TUB: variants seen among roughly 807,000 people sequenced by gnomAD.
TUB encodes the protein tubby protein homolog.
A neutral mutation model predicts 59.7 loss-of-function variants in TUB; 33 were observed. The ratio of observed to expected loss-of-function variants is 0.55; its 90% CI spans 0.42 to 0.74. The LOEUF (loss-of-function observed/expected upper bound fraction) is 0.74, where lower values mean the gene tolerates loss of function less well. Among genes scored for constraint, TUB ranks in the 30% least tolerant of loss-of-function variants. The pLI is 0.00. For synonymous variants in TUB, 293 were observed against 256.4 expected (o/e 1.14, Z -1.36); for missense variants, 659 against 672.0 (o/e 0.98, Z 0.21).
chr11:8,080,974 C>G (rs1452953067), upstream of TUB, among the ~76,000 whole-genome samples: 1 of 152,222 alleles, frequency 6.6e-6, no homozygotes, highest in Non-Finnish European at 1.5e-5. Flanking sequence ...GAATGATCCC[C>G]GTTTCACAGA....
chr11:8,036,680 A>G (rs945952936), upstream of TUB, among the ~76,000 whole-genome samples: 2 of 152,232 alleles, frequency 1.3e-5, no homozygotes, highest in Non-Finnish European at 2.9e-5. Flanking sequence ...ATCACCATCC[A>G]GCAGCTTAGC....
intron 1 of TUB, among the ~76,000 whole-genome samples, chr11:8,019,606 C>T (rs2133691306): frequency 6.6e-6 from 1 of 152,216 alleles, no homozygotes; most frequent in East Asian, 1.9e-4. Flanking sequence ...CTGGGACTAG[C>T]GAGCTGGCAC....
rs1458105628 is a variant in TUB at position 8,066,245 on chromosome 11, G to T, written c.204-23365G>T. Among the ~76,000 whole-genome samples the T allele has an allele frequency of 3.3e-5, 5 of 152,180 alleles. No individual in the cohort carries two copies. In the East Asian group the frequency reaches 9.6e-4, roughly 29 times the overall value. On this transcript the variant is annotated intron_variant, in intron 2 of 12. Coordinates refer to the TUB transcript ENST00000305253. ...GGTCTGCTCAGACGCTGGACATGAG[G>T]TTCCACTTGGCACACAGCATGACAG...
chr11:8,098,949 G>C, intron 9 of TUB, 74 bp downstream of exon 9: 1 of 1,103,230 alleles, frequency 9.1e-7, no homozygotes, highest in East Asian at 2.4e-5. Context: ...TGATCTAGGG[G>C]CTATCCCATC....
chr11:8,080,088 A>G (rs1257016367), upstream of TUB, among the ~76,000 whole-genome samples: 1 of 152,186 alleles, frequency 6.6e-6, no homozygotes, highest in African/African-American at 2.4e-5. Context: ...GCCCCAGGGC[A>G]GCAGGATGAG....
rs1226274419 is a variant in TUB, at chr11:8,101,635, C to T, written c.*16C>T. 3 of 1,613,528 alleles carry T rather than the reference C, an allele frequency of 1.9e-6. No homozygotes were observed. Among genetic ancestry groups the T allele is most frequent in the East Asian group, 2.2e-5 (1 of 44,872 alleles). ...GTGCGAGTAGAGGCCTCTTCGTGCC[C>T]TTTGGGGTTGCCCAGCCTGGAGCGG... On this transcript the variant is annotated 3_prime_UTR_variant, in exon 12 of 12. Coordinates refer to ENST00000299506, the MANE Select transcript of TUB (RefSeq NM_177972.3).
intron 2 of TUB, among the ~76,000 whole-genome samples, chr11:8,058,040 A>C (rs983110813): frequency 2.0e-5 from 3 of 151,794 alleles, no homozygotes; most frequent in African/African-American, 7.3e-5. Context: ...TGAGACCCCC[A>C]TCTCTACAAA....
Position 8,103,781 on chromosome 11 carries a change from T to G in TUB, c.*2162T>G, listed in dbSNP as rs1036446182. Reference sequence around the variant, plus strand: ...GATCGTCTCTAATGTTAGGTCAAGCTATTTCTCTGGATCTATGATTTTAAG... The same window carrying G: ...GATCGTCTCTAATGTTAGGTCAAGCGATTTCTCTGGATCTATGATTTTAAG... On this transcript the variant is annotated 3_prime_UTR_variant, in exon 12 of 12. Coordinates refer to ENST00000299506, the MANE Select transcript of TUB (RefSeq NM_177972.3). The G allele has an allele frequency of 3.3e-5, 5 of 152,680 alleles. No homozygotes were observed. Among genetic ancestry groups the G allele is most frequent in the African/African-American group, 1.2e-4 (5 of 41,462 alleles). The allele number at this position is 152,680 out of a possible 1,614,324, so 9.5% of individuals were successfully genotyped here.
chr11:8,099,352 T>C (rs1425234924), intron 9 of TUB, among the ~76,000 whole-genome samples: 1 of 152,082 alleles, frequency 6.6e-6, no homozygotes, highest in African/African-American at 2.4e-5. Context: ...GGAATATAAA[T>C]ATAGGGGATT....
chr11:8,090,528 C>T (rs1214311610), intron 3 of TUB, among the ~76,000 whole-genome samples: 1 of 152,218 alleles, frequency 6.6e-6, no homozygotes, highest in Non-Finnish European at 1.5e-5. Context: ...TCACTGAGTG[C>T]AGGAGGTAGC....
Position 8,070,431 on chromosome 11 carries a change from T to A in TUB, c.204-19179T>A, listed in dbSNP as rs78534145. 0.013 allele frequency among the ~76,000 whole-genome samples: 1,962 copies of A among 152,162 alleles called. 82 individuals carry two copies. The East Asian group carries it at 0.17, about 13-fold the overall frequency. ...TTCATTCTCATTTTGCAAATGATAATTTTTTTATAGAAATGTTCTTGGCTA... is the reference window on the plus strand; with the variant it reads ...TTCATTCTCATTTTGCAAATGATAAATTTTTTATAGAAATGTTCTTGGCTA... On this transcript the variant is annotated intron_variant, in intron 2 of 12. Transcript: ENST00000305253.
At chr11:8,100,797 G>A in intron 10 of TUB, 29 bp from the exon 11 acceptor site, 4 of 1,611,638 alleles carry the variant, frequency 2.5e-6, no homozygotes, top group African/African-American at 1.3e-5. Context: ...AAAGGCCTGG[G>A]CCTGGCTCAG....
At chr11:8,095,706 T>C in intron 5 of TUB, 41 bp downstream of exon 5, 1 of 1,546,194 alleles carries the variant, frequency 6.5e-7, no homozygotes, top group Non-Finnish European at 8.7e-7. Context: ...CAAAACTCAG[T>C]CCCAGGTTCT....
chr11:8,048,412 T>G (rs1336395942), intron 2 of TUB, among the ~76,000 whole-genome samples: 2 of 152,236 alleles, frequency 1.3e-5, no homozygotes, highest in African/African-American at 4.8e-5. Context: ...TTTTTAGATT[T>G]TTTTAATGAG....
chr11:8,084,113 G>A (rs1466249360), intron 1 of TUB, among the ~76,000 whole-genome samples: 6 of 152,190 alleles, frequency 3.9e-5, no homozygotes, highest in African/African-American at 1.4e-4. Context: ...GCATGTCAGA[G>A]CTGGAATGTG....
At chr11:8,074,476 A>G (rs1293504270) in intron 2 of TUB, among the ~76,000 whole-genome samples, 1 of 152,070 alleles carries the variant, frequency 6.6e-6, no homozygotes, top group African/African-American at 2.4e-5. Flanking sequence ...GATGGCTCAC[A>G]CCTGTAATCC....
At chr11:8,088,996 T>C (rs922264487) in intron 1 of TUB, among the ~76,000 whole-genome samples, 1 of 152,238 alleles carries the variant, frequency 6.6e-6, no homozygotes, top group African/African-American at 2.4e-5. Context: ...GCTGAGGGAC[T>C]GGTTGGTCTC....
At chr11:8,075,187 A>G (rs1252797934) in intron 2 of TUB, among the ~76,000 whole-genome samples, 1 of 152,232 alleles carries the variant, frequency 6.6e-6, no homozygotes, top group African/African-American at 2.4e-5. Context: ...TATTAGCAAT[A>G]AAGTTTCCAT....
At chr11:8,031,223 T>TG (rs1341250553) in intron 1 of TUB, among the ~76,000 whole-genome samples, 1 of 152,016 alleles carries the variant, frequency 6.6e-6, no homozygotes, top group Non-Finnish European at 1.5e-5. Flanking sequence ...GGGGTGGGAC[T>TG]GGGGGGATCC....
Sources: gnomAD v4.1 joint callset for allele counts (sites outside exome capture counted in the v4.1 genomes callset) on GRCh38, gnomAD v4.1.1 for gene constraint, MANE v1.5 for transcripts, NCBI Gene and HGNC (gene_info 2026-07-23, HGNC 2026-07-21) for gene names.